Variants in UNC5C observed in about 807,000 individuals in gnomAD.
The protein encoded by UNC5C is netrin receptor UNC5C.
Under a neutral mutation model 99.8 loss-of-function variants are expected in UNC5C, and 47 were observed. The observed-to-expected ratio is 0.47, with a 90% CI of 0.37 to 0.60. The LOEUF (loss-of-function observed/expected upper bound fraction) is 0.60. Ranked by LOEUF, UNC5C falls within the 20% of genes least tolerant of loss-of-function variation. The pLI, the probability that UNC5C is intolerant of heterozygous loss-of-function variation, is 0.00. For synonymous variants in UNC5C, 487 were observed against 452.2 expected, an observed-to-expected ratio of 1.08 and a Z score of -0.98; for missense variants, 1,062 against 1,165.9, an observed-to-expected ratio of 0.91 and a Z score of 1.30.
At chr4:95,264,705 G>A (rs755386069) in intron 4 of UNC5C, among the ~76,000 whole-genome samples, 12 of 152,084 alleles carry the variant, frequency 7.9e-5, no homozygotes, top group Non-Finnish European at 1.6e-4. Flanking sequence ...CTTCCATTTA[G>A]CCATGTCTGG....
chr4:95,348,687 G>A (rs560618908), intron 1 of UNC5C, among the ~76,000 whole-genome samples: 20 of 150,762 alleles, frequency 1.3e-4, no homozygotes, highest in African/African-American at 4.9e-4. Flanking sequence ...CTGCAAGCAG[G>A]TATATGAAAA....
intron 12 of UNC5C, 124 bp downstream of exon 12, chr4:95,202,607 G>T: frequency 1.1e-6 from 1 of 898,932 alleles, no homozygotes; most frequent in Non-Finnish European, 1.7e-6. Flanking sequence ...CATCCTTTTG[G>T]GCCAAACACG....
chr4:95,264,641 T>C (rs576954919), intron 4 of UNC5C, among the ~76,000 whole-genome samples: 4 of 152,232 alleles, frequency 2.6e-5, no homozygotes, highest in African/African-American at 7.2e-5. Flanking sequence ...GTGGCTAAAC[T>C]CCTTGAAAGA....
intron 1 of UNC5C, among the ~76,000 whole-genome samples, chr4:95,545,950 T>A (rs1337604746): frequency 2.6e-5 from 4 of 152,248 alleles, no homozygotes; most frequent in Non-Finnish European, 5.9e-5. Context: ...CCCAAGGACC[T>A]ATTGAAAATG....
At position 95,296,863 on chromosome 4, in the gene UNC5C, A is replaced by G. The variant is rs1368643417; in HGVS notation, c.490+4743T>C. 3.9e-5 allele frequency among the ~76,000 whole-genome samples: 6 copies of G among 152,302 alleles called. No homozygotes were observed. In the East Asian group the frequency reaches 1.2e-3, roughly 29 times the overall value. ...AAGTATTTTTCTTTATAATTAATAA[A>G]AAATCAATTCTTCAGAATTTGTGGC... On this transcript the variant is annotated intron_variant, in intron 3 of 15. Coordinates refer to ENST00000453304, the MANE Select transcript of UNC5C (RefSeq NM_003728.4).
intron 1 of UNC5C, among the ~76,000 whole-genome samples, chr4:95,354,479 A>ATATATATATATATTTTTTTT: frequency 3.6e-5 from 4 of 110,344 alleles, no homozygotes; most frequent in African/African-American, 1.6e-4. Flanking sequence ...ATATATATAT[A>ATATATATATATATTTTTTTT]TTTTTTTTTT....
intron 1 of UNC5C, among the ~76,000 whole-genome samples, chr4:95,528,696 G>A (rs758925389): frequency 1.3e-5 from 2 of 152,114 alleles, no homozygotes; most frequent in African/African-American, 2.4e-5. Flanking sequence ...GAGCCAAGTA[G>A]AGAGCGACTC....
intron 1 of UNC5C, among the ~76,000 whole-genome samples, chr4:95,472,917 A>AC (rs945542640): frequency 6.6e-6 from 1 of 151,990 alleles, no homozygotes; most frequent in African/African-American, 2.4e-5. Context: ...AAAAAAAAAA[A>AC]AATGTGTTCC....
At chr4:95,359,486 TA>T (rs200873467) in intron 1 of UNC5C, among the ~76,000 whole-genome samples, 25,401 of 143,974 alleles carry the variant, frequency 0.18, 2,311 homozygotes, top group African/African-American at 0.23. Context: ...ATACTGTTTC[TA>T]AAAAAAAAAA....
chr4:95,519,143 G>T (rs1352984101), intron 1 of UNC5C, among the ~76,000 whole-genome samples: 3 of 152,198 alleles, frequency 2.0e-5, no homozygotes, highest in East Asian at 3.9e-4. Context: ...GAGTTAAAGA[G>T]AATTTTATTA....
intron 1 of UNC5C, among the ~76,000 whole-genome samples, chr4:95,489,407 A>AG (rs1721420843): frequency 6.6e-6 from 1 of 151,656 alleles, no homozygotes; most frequent in South Asian, 2.1e-4. Flanking sequence ...GGATGATACA[A>AG]GGCATTGCAG....
chr4:95,174,876 C>G (rs1440295260), intron 14 of UNC5C, among the ~76,000 whole-genome samples: 2 of 149,986 alleles, frequency 1.3e-5, no homozygotes, highest in African/African-American at 4.9e-5. Context: ...GTGTGGGAGT[C>G]TAAGTCTCTT....
chr4:95,355,568 C>A (rs1744151056), intron 1 of UNC5C, among the ~76,000 whole-genome samples: 2 of 152,038 alleles, frequency 1.3e-5, no homozygotes, highest in South Asian at 4.1e-4. Context: ...CACCGTTGTG[C>A]CTATCACACA....
At chr4:95,241,130 A>C (rs1478672163) in intron 7 of UNC5C, among the ~76,000 whole-genome samples, 1 of 152,244 alleles carries the variant, frequency 6.6e-6, no homozygotes, top group Non-Finnish European at 1.5e-5. Flanking sequence ...TGTATGTGGT[A>C]TGTTGCTATT....
At chr4:95,269,605 C>A (rs1459587727) in intron 4 of UNC5C, among the ~76,000 whole-genome samples, 1 of 151,958 alleles carries the variant, frequency 6.6e-6, no homozygotes, top group African/African-American at 2.4e-5. Flanking sequence ...GTTTGATGAT[C>A]TTGCTAAGAT....
intron 14 of UNC5C, among the ~76,000 whole-genome samples, chr4:95,181,264 A>ATCT: frequency 6.6e-6 from 1 of 152,208 alleles, no homozygotes; most frequent in East Asian, 1.9e-4. Context: ...AAAAGAAGTA[A>ATCT]TCTTTCCTCT....
chr4:95,497,411 T>G (rs563218377), intron 1 of UNC5C, among the ~76,000 whole-genome samples: 1 of 152,100 alleles, frequency 6.6e-6, no homozygotes, highest in East Asian at 1.9e-4. Flanking sequence ...TATTCTACAC[T>G]TACTTCACAA....
intron 6 of UNC5C, 129 bp from the exon 7 acceptor site, chr4:95,242,722 A>G: frequency 9.2e-7 from 1 of 1,087,310 alleles, no homozygotes; most frequent in Non-Finnish European, 1.3e-6. Context: ...CACTGTATTC[A>G]TTTCAATTGC....
chr4:95,309,665 G>A (rs1742204910), intron 2 of UNC5C, among the ~76,000 whole-genome samples: 1 of 151,856 alleles, frequency 6.6e-6, no homozygotes, highest in African/African-American at 2.4e-5. Context: ...AATGGCCAAG[G>A]GTATATTAAA....
Sources: allele counts gnomAD v4.1 joint callset (sites outside exome capture counted in the v4.1 genomes callset), GRCh38; gene constraint gnomAD v4.1.1; transcripts MANE v1.5; gene names NCBI Gene and HGNC (gene_info 2026-07-23, HGNC 2026-07-21).